NXPH1: variants seen among roughly 807,000 people sequenced by gnomAD.
NXPH1 encodes the protein neurexophilin 1.
Under a neutral mutation model 23.7 loss-of-function variants are expected in NXPH1, and 5 were observed. The ratio of observed to expected loss-of-function variants is 0.21; its 90% CI spans 0.11 to 0.44. The LOEUF is 0.44. NXPH1 is among the 20% of genes least tolerant of loss of function. NXPH1 has a pLI of 0.99. For missense variants in NXPH1, 324 were observed against 321.6 expected, an observed-to-expected ratio of 1.01 and a Z score of -0.06; for synonymous variants, 144 against 122.2, an observed-to-expected ratio of 1.18 and a Z score of -1.18.
intron 2 of NXPH1, among the ~76,000 whole-genome samples, chr7:8,599,897 TTCAG>T (rs1269191944): frequency 1.3e-5 from 2 of 151,806 alleles, no homozygotes; most frequent in African/African-American, 4.8e-5. Context: ...TTATGTATCT[TTCAG>T]TCATATTACG....
chr7:8,751,085 C>G lies in NXPH1; in HGVS notation c.132C>G (p.His44Gln). The G allele has an allele frequency of 1.2e-6, 2 of 1,613,838 alleles. No homozygotes were observed. Among genetic ancestry groups the G allele is most frequent in the Non-Finnish European group, 1.7e-6 (2 of 1,179,792 alleles). ...KSGSSKSTLK[H>Q]IWTESSKDLS... ...GAAGCAGCAAATCCACACTAAAGCA[C>G]ATATGGACAGAAAGCAGCAAAGACT... is the stretch of plus-strand genomic sequence containing the variant. The change falls in exon 3 of 3, where the codon CAC (histidine) becomes CAG (glutamine). Residue 44 changes from histidine to glutamine, a missense_variant. Transcript: ENST00000405863. The surrounding 1 kb of genome is among the most constrained non-coding windows in gnomAD (Gnocchi z 4.5).
At chr7:8,692,918 C>T (rs180801116) in intron 2 of NXPH1, among the ~76,000 whole-genome samples, 1 of 152,100 alleles carries the variant, frequency 6.6e-6, no homozygotes, top group African/African-American at 2.4e-5. Flanking sequence ...AGACAAAACA[C>T]CGCCTGTAAG....
chr7:8,526,089 A>T (rs1015751842), intron 2 of NXPH1, among the ~76,000 whole-genome samples: 1 of 152,176 alleles, frequency 6.6e-6, no homozygotes, highest in South Asian at 2.1e-4. Context: ...GAGAGGCTGT[A>T]TCCTGCAAAG....
intron 2 of NXPH1, among the ~76,000 whole-genome samples, chr7:8,660,106 A>T (rs534029335): frequency 6.6e-6 from 1 of 152,374 alleles, no homozygotes; most frequent in South Asian, 2.1e-4. Flanking sequence ...TGGTAATGAT[A>T]ATGACAGCAG....
intron 2 of NXPH1, among the ~76,000 whole-genome samples, chr7:8,656,157 G>A (rs958587837): frequency 6.6e-6 from 1 of 152,208 alleles, no homozygotes; most frequent in African/African-American, 2.4e-5. Context: ...GCACAAGGAA[G>A]ATATGTATAA....
chr7:8,463,507 T>G (rs1816728848), intron 2 of NXPH1, among the ~76,000 whole-genome samples: 2 of 152,172 alleles, frequency 1.3e-5, no homozygotes, highest in Non-Finnish European at 2.9e-5. Flanking sequence ...AATTTAAAAT[T>G]TTGATAGATA....
At chr7:8,682,472 C>A (rs966370217) in intron 2 of NXPH1, among the ~76,000 whole-genome samples, 1 of 152,164 alleles carries the variant, frequency 6.6e-6, no homozygotes, top group Non-Finnish European at 1.5e-5. Flanking sequence ...AATAAAGACT[C>A]TGGAATATTT....
intron 2 of NXPH1, among the ~76,000 whole-genome samples, chr7:8,718,357 G>C (rs967310333): frequency 6.6e-6 from 1 of 152,048 alleles, no homozygotes; most frequent in African/African-American, 2.4e-5. Flanking sequence ...CTGAGCAATT[G>C]GTTCTTGACA....
At chr7:8,748,852 A>G (rs572876601) in intron 2 of NXPH1, among the ~76,000 whole-genome samples, 2 of 152,322 alleles carry the variant, frequency 1.3e-5, no homozygotes, top group African/African-American at 4.8e-5. Context: ...TAAGCTCAGC[A>G]TTATTAGGAA....
chr7:8,722,847 C>A (rs1239450340), intron 2 of NXPH1, among the ~76,000 whole-genome samples: 1 of 152,158 alleles, frequency 6.6e-6, no homozygotes, highest in Non-Finnish European at 1.5e-5. Flanking sequence ...TGAGGCTCAG[C>A]TTTCTAAGTT....
chr7:8,460,892 A>G (rs1039096410), intron 2 of NXPH1, among the ~76,000 whole-genome samples: 4 of 152,232 alleles, frequency 2.6e-5, no homozygotes, highest in African/African-American at 4.8e-5. Context: ...TGAAAAATCA[A>G]TGAAATAATC....
intron 2 of NXPH1, among the ~76,000 whole-genome samples, chr7:8,605,703 A>G (rs1288842303): frequency 7.2e-5 from 11 of 152,146 alleles, no homozygotes; most frequent in Admixed American, 6.6e-5. Flanking sequence ...ATGGATACCG[A>G]AAATCTAAGC....
At position 8,693,753 on chromosome 7, in the gene NXPH1, A is replaced by C. The variant is rs145316842; in HGVS notation, c.55-57255A>C. On this transcript the variant is annotated intron_variant, in intron 2 of 2. Transcript: ENST00000405863. ...ATTACAGAAAATCACTCCCGTACAC[A>C]ATGTTTATAAGTTGGTTTTCAAGTT... 2.6e-5 allele frequency among the ~76,000 whole-genome samples: 4 copies of C among 152,242 alleles called. No homozygotes were observed. The East Asian group carries it at 7.7e-4, about 29-fold the overall frequency.
intron 2 of NXPH1, among the ~76,000 whole-genome samples, chr7:8,594,582 TTAAG>T (rs1342820542): frequency 6.6e-6 from 1 of 151,750 alleles, no homozygotes; most frequent in Non-Finnish European, 1.5e-5. Context: ...ACAAAATAAA[TTAAG>T]TGAGGAGGTT....
At chr7:8,567,914 G>T (rs920496345) in intron 2 of NXPH1, among the ~76,000 whole-genome samples, 1 of 151,858 alleles carries the variant, frequency 6.6e-6, no homozygotes, top group Non-Finnish European at 1.5e-5. Context: ...GCTAGGAGTG[G>T]CCTTACATCG....
intron 2 of NXPH1, among the ~76,000 whole-genome samples, chr7:8,574,627 A>T (rs904312624): frequency 1.3e-5 from 2 of 152,184 alleles, no homozygotes; most frequent in Non-Finnish European, 2.9e-5. Flanking sequence ...TCTGCATCAC[A>T]TGTACTTAGT....
intron 2 of NXPH1, among the ~76,000 whole-genome samples, chr7:8,718,809 A>G (rs752562278): frequency 6.6e-6 from 1 of 152,196 alleles, no homozygotes; most frequent in African/African-American, 2.4e-5. Context: ...TGGCACATTC[A>G]GTCCTTTTAT....
chr7:8,480,717 T>G (rs1468067911), intron 2 of NXPH1, among the ~76,000 whole-genome samples: 1 of 152,172 alleles, frequency 6.6e-6, no homozygotes, highest in African/African-American at 2.4e-5. Context: ...TTTATCCATC[T>G]ATCGTGTGAA....
intron 2 of NXPH1, among the ~76,000 whole-genome samples, chr7:8,607,087 T>C (rs969347068): frequency 6.6e-6 from 1 of 152,120 alleles, no homozygotes; most frequent in African/African-American, 2.4e-5. Context: ...GTTGGACTCA[T>C]ATATATCCTG....
Sources: gnomAD v4.1 joint callset for allele counts (sites outside exome capture counted in the v4.1 genomes callset) on GRCh38, gnomAD v4.1.1 for gene constraint, Gnocchi (gnomAD v3.1) non-coding constraint, MANE v1.5 for transcripts, NCBI Gene and HGNC (gene_info 2026-07-23, HGNC 2026-07-21) for gene names.